The following PCMT1 variants were observed in gnomAD, a reference collection of about 807,000 sequenced individuals.
PCMT1 encodes protein-L-isoaspartate (D-aspartate) O-methyltransferase, also known as protein-L-isoaspartate(D-aspartate) O-methyltransferase.
A neutral mutation model predicts 29.2 loss-of-function variants in PCMT1; 9 were observed. The ratio of observed to expected loss-of-function variants is 0.31; its 90% CI spans 0.19 to 0.54. The LOEUF (loss-of-function observed/expected upper bound fraction) is 0.54, where lower values mean the gene tolerates loss of function less well. Among genes scored for constraint, PCMT1 ranks in the 20% least tolerant of loss-of-function variants. The probability of loss-of-function intolerance (pLI) is 0.95; values close to 1 mark genes in which losing one functional copy is unlikely to be tolerated. For synonymous variants in PCMT1, 98 were observed against 97.5 expected (o/e 1.00, Z -0.03); for missense variants, 184 against 282.2 (o/e 0.65, Z 2.49).
chr6:149,804,140 C>A (rs1377698320), intron 7 of PCMT1, among the ~76,000 whole-genome samples: 2 of 147,784 alleles, frequency 1.4e-5, no homozygotes, highest in African/African-American at 5.0e-5. Flanking sequence ...GTTTTTTCAA[C>A]TGGAATCAGA....
At chr6:149,798,164 GTC>G (rs3039591) in intron 6 of PCMT1, 71,033 of 142,548 alleles carry the variant, frequency 0.5, 19,012 homozygotes, top group East Asian at 0.8. Flanking sequence ...GTGAGACCCT[GTC>G]TCAAAAAAAA....
chr6:149,800,022 G>C (rs762446363), intron 6 of PCMT1, among the ~76,000 whole-genome samples: 1 of 152,174 alleles, frequency 6.6e-6, no homozygotes, highest in Non-Finnish European at 1.5e-5. Context: ...GATTTGAAAT[G>C]ACTGGATTTA....
intron 1 of PCMT1, among the ~76,000 whole-genome samples, chr6:149,759,791 G>A (rs534369987): frequency 1.1e-4 from 17 of 152,226 alleles, no homozygotes; most frequent in Non-Finnish European, 2.2e-4. Context: ...CACTGCGCCC[G>A]GCCTATTTTC....
intron 3 of PCMT1, among the ~76,000 whole-genome samples, chr6:149,784,525 T>C (rs1185314878): frequency 6.6e-6 from 1 of 151,876 alleles, no homozygotes; most frequent in African/African-American, 2.4e-5. Flanking sequence ...GGCTGGAATG[T>C]AGTAGCGCAA....
chr6:149,792,086 A>G (rs1788394546), intron 4 of PCMT1, among the ~76,000 whole-genome samples: 1 of 152,154 alleles, frequency 6.6e-6, no homozygotes, highest in Non-Finnish European at 1.5e-5. Context: ...AGGCCGAGGC[A>G]GGTGGATCAC....
chr6:149,782,963 C>T (rs1451628747), intron 3 of PCMT1, among the ~76,000 whole-genome samples: 1 of 151,952 alleles, frequency 6.6e-6, no homozygotes, highest in African/African-American at 2.4e-5. Context: ...CAAGACCACC[C>T]TGGGCAACAA....
chr6:149,802,328 G>A lies in PCMT1; in HGVS notation c.633G>A (p.Val211=), dbSNP rs764649303. The A allele has an allele frequency of 6.2e-7, 1 of 1,613,732 alleles. No individual in the cohort carries two copies. Among genetic ancestry groups the A allele is most frequent in the East Asian group, 2.2e-5 (1 of 44,870 alleles). The change falls in exon 7 of 8, where the codon GTG becomes GTA. Residue 211 remains valine, a synonymous_variant. Transcript: ENST00000464889. Reference sequence around the variant, plus strand: ...TCAAAATGAAGCCTCTGATGGGGGTGATATACGTGCCTTTAACAGATAAAG... The same window carrying A: ...TCAAAATGAAGCCTCTGATGGGGGTAATATACGTGCCTTTAACAGATAAAG... ...GSIKMKPLMG[V]IYVPLTDKEK... is the part of the protein sequence containing the mutation.
chr6:149,761,261 G>C (rs1583007321), intron 1 of PCMT1, among the ~76,000 whole-genome samples: 1 of 50,172 alleles, frequency 2.0e-5, no homozygotes, highest in Non-Finnish European at 3.5e-5. Flanking sequence ...AGGGTGATGT[G>C]TGTGTGTGTG....
intron 1 of PCMT1, among the ~76,000 whole-genome samples, chr6:149,764,260 T>C (rs1464689381): frequency 1.3e-5 from 2 of 152,216 alleles, no homozygotes; most frequent in East Asian, 1.9e-4. Context: ...CCTTATTTGC[T>C]CTGTTATCTT....
chr6:149,774,089 A>G (rs1787448509), intron 3 of PCMT1, among the ~76,000 whole-genome samples: 1 of 151,860 alleles, frequency 6.6e-6, no homozygotes, highest in Non-Finnish European at 1.5e-5. Context: ...TCCCGGGCTC[A>G]TGCAGTCCTC....
At chr6:149,750,197 C>T in intron 1 of PCMT1, 1 of 588,132 alleles carries the variant, frequency 1.7e-6, no homozygotes, top group Middle Eastern at 4.6e-4. Flanking sequence ...CTGGTGGGGG[C>T]AGGGGCAGTC....
chr6:149,767,768 A>T (rs1787152304), intron 1 of PCMT1, among the ~76,000 whole-genome samples: 1 of 144,976 alleles, frequency 6.9e-6, no homozygotes, highest in Non-Finnish European at 1.5e-5. Flanking sequence ...TGTTGCTCTT[A>T]AGAAATCTGT....
chr6:149,795,255 A>C, intron 5 of PCMT1: 1 of 403,042 alleles, frequency 2.5e-6, no homozygotes, highest in Non-Finnish European at 4.7e-6. Context: ...CATGAGAAAA[A>C]GATCACAGTT....
intron 1 of PCMT1, among the ~76,000 whole-genome samples, chr6:149,757,710 C>T (rs982163329): frequency 2.0e-5 from 3 of 151,950 alleles, no homozygotes; most frequent in Admixed American, 6.6e-5. Context: ...TTTCTGTCAC[C>T]AAATATGTTG....
At chr6:149,805,408 A>G (rs1038116736) in intron 7 of PCMT1, among the ~76,000 whole-genome samples, 1 of 151,148 alleles carries the variant, frequency 6.6e-6, no homozygotes, top group African/African-American at 2.4e-5. Context: ...CCTGGGTAAC[A>G]TGGCGAAACC....
chr6:149,759,683 C>T (rs374089838), intron 1 of PCMT1, among the ~76,000 whole-genome samples: 38 of 151,922 alleles, frequency 2.5e-4, no homozygotes, highest in Non-Finnish European at 4.1e-4. Context: ...TTAGTAGAGA[C>T]GGGGTTTCAC....
At chr6:149,755,148 G>A (rs1786460230) in intron 1 of PCMT1, among the ~76,000 whole-genome samples, 1 of 152,140 alleles carries the variant, frequency 6.6e-6, no homozygotes, top group Non-Finnish European at 1.5e-5. Context: ...GCTCACACCT[G>A]TAATCTCAGA....
chr6:149,770,397 T>G (rs1199013820), intron 1 of PCMT1, among the ~76,000 whole-genome samples: 1 of 152,150 alleles, frequency 6.6e-6, no homozygotes, highest in Non-Finnish European at 1.5e-5. Context: ...TCTAGTTTTC[T>G]GTGTCCTTGC....
rs1193112543 is a variant in PCMT1 at position 149,792,627 on chromosome 6, C to T, written c.298-922C>T. Reference sequence around the variant, plus strand: ...TCCCAGGCTCAAGTGATCCTCACACCACATCAGCCTCCTAAGTAGCTGGGA... The same window carrying T: ...TCCCAGGCTCAAGTGATCCTCACACTACATCAGCCTCCTAAGTAGCTGGGA... On this transcript the variant is annotated intron_variant, in intron 4 of 7. Coordinates refer to ENST00000464889, the MANE Select transcript of PCMT1 (RefSeq NM_001360452.2). Among the ~76,000 whole-genome samples, 3 of 151,842 alleles carry T rather than the reference C, an allele frequency of 2.0e-5. No individual in the cohort carries two copies. In the East Asian group the frequency reaches 5.9e-4, roughly 30 times the overall value.
Sources: gnomAD v4.1 joint callset for allele counts (sites outside exome capture counted in the v4.1 genomes callset) on GRCh38, gnomAD v4.1.1 for gene constraint, MANE v1.5 for transcripts, NCBI Gene and HGNC (gene_info 2026-07-23, HGNC 2026-07-21) for gene names.